Variants in ANO3 observed in about 807,000 individuals in gnomAD.
ANO3 encodes the protein anoctamin 3.
Under a neutral mutation model 144.8 loss-of-function variants are expected in ANO3, and 99 were observed. That is an observed-to-expected ratio of 0.68 (90% CI 0.58 to 0.81). The LOEUF is 0.81. Among genes scored for constraint, ANO3 ranks in the 30% least tolerant of loss-of-function variants. ANO3 has a pLI of 0.00. For missense variants in ANO3, 905 were observed against 1,202.2 expected, an observed-to-expected ratio of 0.75 and a Z score of 3.66; for synonymous variants, 414 against 392.6, an observed-to-expected ratio of 1.05 and a Z score of -0.64.
At chr11:26,574,904 A>G (rs1003721462) in intron 14 of ANO3, among the ~76,000 whole-genome samples, 1 of 152,090 alleles carries the variant, frequency 6.6e-6, no homozygotes, top group Non-Finnish European at 1.5e-5. Context: ...GCAAGTATAC[A>G]TACTTGCATG....
intron 1 of ANO3, among the ~76,000 whole-genome samples, chr11:26,426,225 A>G (rs1435010271): frequency 6.6e-6 from 1 of 152,198 alleles, no homozygotes; most frequent in Non-Finnish European, 1.5e-5. Flanking sequence ...ACATGAAAAC[A>G]TGCTCACATG....
chr11:26,564,036 T>TA (rs1044180697), intron 14 of ANO3, among the ~76,000 whole-genome samples: 13 of 151,850 alleles, frequency 8.6e-5, no homozygotes. Context: ...TGATTCTATA[T>TA]AAAATCTCAT....
chr11:26,541,718 T>C (rs1849648856), intron 10 of ANO3, among the ~76,000 whole-genome samples: 1 of 152,168 alleles, frequency 6.6e-6, no homozygotes, highest in Non-Finnish European at 1.5e-5. Flanking sequence ...ATGGGTTCCA[T>C]TGTATTTTTT....
intron 24 of ANO3, among the ~76,000 whole-genome samples, chr11:26,649,891 A>G (rs1202665470): frequency 6.6e-6 from 1 of 152,192 alleles, no homozygotes. Context: ...ATCTAGAAGC[A>G]GATGTTAAGG....
intron 4 of ANO3, among the ~76,000 whole-genome samples, chr11:26,489,395 C>A (rs963524641): frequency 2.6e-5 from 4 of 152,188 alleles, no homozygotes; most frequent in African/African-American, 9.6e-5. Context: ...TGCAGGGGTG[C>A]AGCCCTCATG....
intron 26 of ANO3, among the ~76,000 whole-genome samples, chr11:26,658,517 G>C (rs1853770029): frequency 6.6e-6 from 1 of 150,898 alleles, no homozygotes; most frequent in Non-Finnish European, 1.5e-5. Context: ...GGTTGAGGCA[G>C]GATAATCACT....
At chr11:26,539,399 A>G (rs746007220) in intron 10 of ANO3, among the ~76,000 whole-genome samples, 2 of 152,084 alleles carry the variant, frequency 1.3e-5, no homozygotes, top group Admixed American at 6.6e-5. Flanking sequence ...GGCCAGAATG[A>G]TGTAGCTGAT....
At chr11:26,618,570 G>A (rs1457789969) in intron 17 of ANO3, among the ~76,000 whole-genome samples, 1 of 152,108 alleles carries the variant, frequency 6.6e-6, no homozygotes, top group Non-Finnish European at 1.5e-5. Context: ...TGTTTAATGG[G>A]TTTCTATTGT....
rs113621083 is a variant in ANO3 at position 26,585,275 on chromosome 11, G to T, written c.1448-13090G>T. On this transcript the variant is annotated intron_variant, in intron 14 of 26. Transcript: ENST00000256737. ...TAGTACTAATGCTTTGAGAGAGAGA[G>T]ATATATCATATATATATAGGCATTA... Among the ~76,000 whole-genome samples the T allele has an allele frequency of 1.1e-3, 174 of 152,100 alleles. 1 individual carries two copies. Among genetic ancestry groups the T allele is most frequent in the Middle Eastern group, 3.4e-3 (1 of 294 alleles).
chr11:26,469,852 T>G (rs560785138), intron 4 of ANO3, among the ~76,000 whole-genome samples: 1 of 151,978 alleles, frequency 6.6e-6, no homozygotes, highest in Non-Finnish European at 1.5e-5. Context: ...TTTTAACATA[T>G]ATAACGATCA....
At chr11:26,342,827 T>A (rs1855399868) in intron 1 of ANO3, among the ~76,000 whole-genome samples, 1 of 152,192 alleles carries the variant, frequency 6.6e-6, no homozygotes, top group Admixed American at 6.5e-5. Flanking sequence ...CACTTTATTT[T>A]TTTTATTTTT....
intron 1 of ANO3, among the ~76,000 whole-genome samples, chr11:26,407,076 G>GTATATATATATATATATATATA (rs374806519): frequency 6.9e-5 from 7 of 101,466 alleles, no homozygotes; most frequent in Admixed American, 1.3e-4. Flanking sequence ...GTGTGTGTGT[G>GTATATATATATATATATATATA]TATATATATA....
chr11:26,210,399 G>T (rs1851907802), intron 1 of ANO3, among the ~76,000 whole-genome samples: 1 of 152,274 alleles, frequency 6.6e-6, no homozygotes, highest in Non-Finnish European at 1.5e-5. Context: ...TTGTAGTATA[G>T]TTTGAAGTCA....
At chr11:26,247,439 CTG>C (rs1348392907) in intron 1 of ANO3, among the ~76,000 whole-genome samples, 35 of 152,134 alleles carry the variant, frequency 2.3e-4, no homozygotes, top group African/African-American at 8.5e-4. Flanking sequence ...ACCAAGCTAT[CTG>C]TGTATCCATA....
chr11:26,196,316 T>C (rs1332899538), intron 1 of ANO3, among the ~76,000 whole-genome samples: 6 of 152,180 alleles, frequency 3.9e-5, no homozygotes, highest in Admixed American at 1.3e-4. Context: ...ATCTTTTTCT[T>C]CTATTTGTCC....
chr11:26,222,769 C>T (rs1852174442), intron 1 of ANO3, among the ~76,000 whole-genome samples: 1 of 152,172 alleles, frequency 6.6e-6, no homozygotes, highest in South Asian at 2.1e-4. Context: ...ACCTGGGCTC[C>T]CCTTGAACTG....
intron 1 of ANO3, among the ~76,000 whole-genome samples, chr11:26,320,821 T>G (rs192211338): frequency 1.8e-4 from 28 of 152,270 alleles, no homozygotes; most frequent in Non-Finnish European, 3.5e-4. Flanking sequence ...GACCACTGCT[T>G]TATTATCTTG....
intron 1 of ANO3, among the ~76,000 whole-genome samples, chr11:26,301,775 T>C (rs1331912523): frequency 6.6e-6 from 1 of 152,186 alleles, no homozygotes; most frequent in Non-Finnish European, 1.5e-5. Flanking sequence ...ATCCCTATTG[T>C]TACAAAAACC....
intron 4 of ANO3, among the ~76,000 whole-genome samples, chr11:26,474,589 C>T (rs936308047): frequency 6.6e-6 from 1 of 151,646 alleles, no homozygotes; most frequent in East Asian, 1.9e-4. Flanking sequence ...ATAAATAAAT[C>T]ACATCAGGTA....
Sources: gnomAD v4.1 joint callset for allele counts (sites outside exome capture counted in the v4.1 genomes callset) on GRCh38, gnomAD v4.1.1 for gene constraint, MANE v1.5 for transcripts, NCBI Gene and HGNC (gene_info 2026-07-23, HGNC 2026-07-21) for gene names.